Variants in PKNOX2 observed in about 807,000 individuals in gnomAD.
PKNOX2 encodes the protein homeobox protein PKNOX2.
PKNOX2 carries 14 observed loss-of-function variants against 53.1 expected under a neutral mutation model. That is an observed-to-expected ratio of 0.26 (90% confidence interval 0.17 to 0.41). The LOEUF (loss-of-function observed/expected upper bound fraction) is 0.41, where lower values mean the gene tolerates loss of function less well. PKNOX2 is among the 10% of genes least tolerant of loss of function. The pLI is 1.00. For synonymous variants in PKNOX2, 257 were observed against 242.8 expected, an observed-to-expected ratio of 1.06 and a Z score of -0.54; for missense variants, 496 against 602.8, an observed-to-expected ratio of 0.82 and a Z score of 1.85.
chr11:125,413,517 C>T (rs1445757420), intron 10 of PKNOX2, among the ~76,000 whole-genome samples: 3 of 152,186 alleles, frequency 2.0e-5, no homozygotes, highest in Admixed American at 6.5e-5. Flanking sequence ...AAGCACCACC[C>T]GCTCCCAACT....
intron 2 of PKNOX2, among the ~76,000 whole-genome samples, chr11:125,330,029 G>A (rs1950045156): frequency 6.6e-6 from 1 of 152,216 alleles, no homozygotes; most frequent in African/African-American, 2.4e-5. Context: ...GAGCATGAAT[G>A]AAGTCACCTG....
chr11:125,198,678 A>C (rs1175134065), intron 1 of PKNOX2, among the ~76,000 whole-genome samples: 3 of 152,144 alleles, frequency 2.0e-5, no homozygotes, highest in Non-Finnish European at 4.4e-5. Context: ...TGGTCCCAAC[A>C]CTATAGATCT....
intron 2 of PKNOX2, among the ~76,000 whole-genome samples, chr11:125,313,174 G>A (rs182575115): frequency 1.3e-5 from 2 of 152,274 alleles, no homozygotes; most frequent in East Asian, 1.9e-4. Flanking sequence ...AAGAGAAGTC[G>A]AGGGCACCCC....
At chr11:125,178,963 T>C (rs1400872448) in intron 1 of PKNOX2, among the ~76,000 whole-genome samples, 4 of 151,992 alleles carry the variant, frequency 2.6e-5, no homozygotes, top group African/African-American at 9.7e-5. Flanking sequence ...CCGTGTAAAG[T>C]GCACGGTGTG....
At chr11:125,375,466 G>T (rs1952780967) in intron 5 of PKNOX2, among the ~76,000 whole-genome samples, 1 of 152,172 alleles carries the variant, frequency 6.6e-6, no homozygotes, top group Non-Finnish European at 1.5e-5. Flanking sequence ...GGAGAGAGGG[G>T]AGAGCACACG....
intron 6 of PKNOX2, among the ~76,000 whole-genome samples, chr11:125,392,599 G>A (rs1485764560): frequency 6.6e-6 from 1 of 152,132 alleles, no homozygotes; most frequent in Non-Finnish European, 1.5e-5. Flanking sequence ...AACATGCTGT[G>A]CGTGTATTTT....
intron 2 of PKNOX2, among the ~76,000 whole-genome samples, chr11:125,291,148 C>A (rs112754491): frequency 9.2e-5 from 14 of 152,284 alleles, no homozygotes; most frequent in African/African-American, 3.1e-4. Flanking sequence ...ACAGGGTCAC[C>A]AGACTTCAAT....
chr11:125,355,628 G>A (rs1262592557), intron 4 of PKNOX2, among the ~76,000 whole-genome samples: 1 of 152,150 alleles, frequency 6.6e-6, no homozygotes, highest in Non-Finnish European at 1.5e-5. Flanking sequence ...CTTCTGTTCT[G>A]TATCTCTGCC....
At chr11:125,343,120 G>A (rs1950789059) in intron 3 of PKNOX2, among the ~76,000 whole-genome samples, 1 of 151,818 alleles carries the variant, frequency 6.6e-6, no homozygotes, top group African/African-American at 2.4e-5. Flanking sequence ...TCCATTCCTG[G>A]GGGTGAACAA....
At chr11:125,425,215 A>G (rs940326172) in intron 10 of PKNOX2, among the ~76,000 whole-genome samples, 4 of 152,192 alleles carry the variant, frequency 2.6e-5, no homozygotes, top group African/African-American at 9.7e-5. Flanking sequence ...CATAAAACAA[A>G]CAAAGGTCAC....
chr11:125,293,799 A>G (rs1351911514), intron 2 of PKNOX2, among the ~76,000 whole-genome samples: 1 of 149,562 alleles, frequency 6.7e-6, no homozygotes, highest in Non-Finnish European at 1.5e-5. Context: ...TCACACACAC[A>G]CGCTCACACA....
intron 1 of PKNOX2, among the ~76,000 whole-genome samples, chr11:125,191,630 G>T (rs1265210304): frequency 6.6e-6 from 1 of 152,208 alleles, no homozygotes; most frequent in African/African-American, 2.4e-5. Context: ...CCACTGTTGG[G>T]AAGTTGTGGT....
intron 2 of PKNOX2, among the ~76,000 whole-genome samples, chr11:125,267,256 T>A (rs1945427993): frequency 6.6e-6 from 1 of 152,188 alleles, no homozygotes; most frequent in South Asian, 2.1e-4. Flanking sequence ...CTTGTGCTCA[T>A]GTGTGTGTTC....
rs564955741 is a variant in PKNOX2, at chr11:125,202,722, G to T, written c.-200-32323G>T. Among the ~76,000 whole-genome samples, 37 of 152,030 alleles carry T rather than the reference G, an allele frequency of 2.4e-4. 1 individual carries two copies. In the East Asian group the frequency reaches 2.5e-3, roughly 10 times the overall value. On this transcript the variant is annotated intron_variant, in intron 1 of 12. Coordinates refer to ENST00000298282, the MANE Select transcript of PKNOX2 (RefSeq NM_001382323.2). ...AGGGCTCTGGGGAGGCTGTGGGTTG[G>T]GGGGGAGGGGTGAGTGCTCTGGGAC...
intron 1 of PKNOX2, among the ~76,000 whole-genome samples, chr11:125,175,261 AAGG>A (rs1955632250): frequency 6.0e-5 from 9 of 151,098 alleles, no homozygotes; most frequent in Admixed American, 5.9e-4. Context: ...AGAAGGAAGG[AAGG>A]AGGGAGAGCT....
intron 2 of PKNOX2, among the ~76,000 whole-genome samples, chr11:125,274,505 T>C (rs1301500801): frequency 6.6e-6 from 1 of 152,242 alleles, no homozygotes; most frequent in Non-Finnish European, 1.5e-5. Context: ...CCGTGGCCTT[T>C]TGTTTGTTTT....
At chr11:125,204,048 G>C (rs540516097) in intron 1 of PKNOX2, among the ~76,000 whole-genome samples, 4 of 152,286 alleles carry the variant, frequency 2.6e-5, no homozygotes, top group South Asian at 2.1e-4. Flanking sequence ...GTGTGGAGAG[G>C]GGGGAGGCAG....
chr11:125,314,177 C>T (rs1949002369), intron 2 of PKNOX2, among the ~76,000 whole-genome samples: 1 of 152,168 alleles, frequency 6.6e-6, no homozygotes, highest in Non-Finnish European at 1.5e-5. Context: ...GCTTCACCTT[C>T]CAGTTGGAGA....
chr11:125,380,153 G>A (rs1211175747), intron 5 of PKNOX2, among the ~76,000 whole-genome samples: 5 of 152,292 alleles, frequency 3.3e-5, no homozygotes, highest in East Asian at 3.9e-4. Context: ...CCGCCCTCCC[G>A]GCACCCAGGC....
Sources: allele counts gnomAD v4.1 joint callset (sites outside exome capture counted in the v4.1 genomes callset), GRCh38; gene constraint gnomAD v4.1.1; transcripts MANE v1.5; gene names NCBI Gene and HGNC (gene_info 2026-07-23, HGNC 2026-07-21).